The following LRMDA variants were observed in gnomAD, a reference collection of about 807,000 sequenced individuals.
LRMDA encodes leucine-rich melanocyte differentiation-associated protein.
In LRMDA, 18 loss-of-function variants were observed where a neutral mutation model predicts 29.8. The ratio of observed to expected loss-of-function variants is 0.60; its 90% CI spans 0.42 to 0.90. The LOEUF (loss-of-function observed/expected upper bound fraction) is 0.90, where lower values mean the gene tolerates loss of function less well. LRMDA is among the 40% of genes least tolerant of loss of function. LRMDA has a pLI of 0.00. For missense variants in LRMDA, 273 were observed against 273.9 expected (o/e 1.00, Z 0.02); for synonymous variants, 125 against 109.4 (o/e 1.14, Z -0.89).
At chr10:76,346,483 T>C (rs1397162821) in intron 6 of LRMDA, 1 of 152,178 alleles carries the variant, frequency 6.6e-6, no homozygotes, top group African/African-American at 2.4e-5. Context: ...ACTCTGTCAC[T>C]GTTGAGGAAT....
intron 6 of LRMDA, among the ~76,000 whole-genome samples, chr10:76,329,759 G>A (rs1589139209): frequency 6.6e-6 from 1 of 152,100 alleles, no homozygotes; most frequent in Non-Finnish European, 1.5e-5. Context: ...TTTATGCTTA[G>A]CAATTGATTT....
At chr10:76,121,013 A>T (rs909114730) in intron 5 of LRMDA, among the ~76,000 whole-genome samples, 1 of 151,834 alleles carries the variant, frequency 6.6e-6, no homozygotes, top group Non-Finnish European at 1.5e-5. Context: ...TTGTATTTTT[A>T]GTGGAGATGG....
intron 5 of LRMDA, among the ~76,000 whole-genome samples, chr10:76,214,007 T>C (rs1851681410): frequency 6.6e-6 from 1 of 152,182 alleles, no homozygotes; most frequent in African/African-American, 2.4e-5. Flanking sequence ...GGGCCTGGAT[T>C]CCAGCTGCCT....
chr10:75,659,674 C>G (rs951186109), intron 2 of LRMDA, among the ~76,000 whole-genome samples: 4 of 152,208 alleles, frequency 2.6e-5, no homozygotes, highest in Middle Eastern at 3.2e-3. Flanking sequence ...TCAAAGGATA[C>G]AAACTTTCAG....
chr10:75,959,403 C>A (rs1846722577), intron 2 of LRMDA, among the ~76,000 whole-genome samples: 1 of 152,164 alleles, frequency 6.6e-6, no homozygotes, highest in African/African-American at 2.4e-5. Context: ...ATGTATAAGT[C>A]AGAGCCATCA....
chr10:76,188,625 G>A (rs769018352), intron 5 of LRMDA, among the ~76,000 whole-genome samples: 1 of 110,296 alleles, frequency 9.1e-6, no homozygotes, highest in Non-Finnish European at 1.8e-5. Flanking sequence ...ATACAACTGA[G>A]AAGATGGAGG....
chr10:76,224,667 CTTTTTTTTTTT>C lies in LRMDA; in HGVS notation c.517-99721_517-99711del, dbSNP rs35143239. ...CAATAAAATAATAATGTCTAGGACT[CTTTTTTTTTTT>C]TTTTTTTTTTTTACCGGACAAAAAT... On this transcript the variant is annotated intron_variant, in intron 5 of 6. Transcript: ENST00000611255. Among the ~76,000 whole-genome samples, 399 of 105,358 alleles carry C rather than the reference CTTTTTTTTTTT, an allele frequency of 3.8e-3. 3 individuals are homozygous for C. The highest frequency in any genetic ancestry group is 0.013 in the African/African-American group (381 of 29,236). 69.1% of individuals were successfully genotyped at this position (105,358 alleles called of 152,430 possible).
chr10:76,423,121 G>C (rs537329699), intron 6 of LRMDA, among the ~76,000 whole-genome samples: 1 of 152,212 alleles, frequency 6.6e-6, no homozygotes, highest in South Asian at 2.1e-4. Context: ...GAGGCCAGGC[G>C]TAGTGGCACA....
rs567322339 is a variant in LRMDA at position 76,492,770 on chromosome 10, G to A, written c.602-64439G>A. Among the ~76,000 whole-genome samples the A allele has an allele frequency of 9.2e-5, 14 of 152,174 alleles. No individual in the cohort carries two copies. In the South Asian group the frequency reaches 1.5e-3, roughly 16 times the overall value. ...CACAGGGCAGAAGGAGAGAGAATGA[G>A]TGCTGACGAAGAAGGAAGCCCTTTA... is the stretch of plus-strand genomic sequence containing the variant. On this transcript the variant is annotated intron_variant, in intron 6 of 6. Coordinates refer to ENST00000611255, the MANE Select transcript of LRMDA (RefSeq NM_001305581.2).
chr10:76,376,759 A>G (rs1013387436), intron 6 of LRMDA, among the ~76,000 whole-genome samples: 1 of 149,872 alleles, frequency 6.7e-6, no homozygotes, highest in Non-Finnish European at 1.5e-5. Flanking sequence ...AATAATAGCC[A>G]TTCTGACTGG....
intron 2 of LRMDA, among the ~76,000 whole-genome samples, chr10:75,768,259 T>C (rs1172882306): frequency 1.3e-5 from 2 of 152,208 alleles, no homozygotes; most frequent in African/African-American, 2.4e-5. Context: ...TTCTCCTTCA[T>C]TGATGGACTT....
chr10:76,067,159 A>G (rs1408188279), intron 5 of LRMDA, among the ~76,000 whole-genome samples: 1 of 152,214 alleles, frequency 6.6e-6, no homozygotes, highest in Non-Finnish European at 1.5e-5. Flanking sequence ...AAGGGAGTTC[A>G]CAACATCTCG....
At chr10:76,404,226 A>G (rs1841879255) in intron 6 of LRMDA, among the ~76,000 whole-genome samples, 1 of 152,148 alleles carries the variant, frequency 6.6e-6, no homozygotes, top group African/African-American at 2.4e-5. Flanking sequence ...ACACTCCCCA[A>G]ATTACTAGTG....
chr10:76,200,451 C>A (rs1372367674), intron 5 of LRMDA, among the ~76,000 whole-genome samples: 2 of 152,190 alleles, frequency 1.3e-5, no homozygotes, highest in Non-Finnish European at 2.9e-5. Context: ...CATAAAAGTT[C>A]TCTGTCTTAA....
intron 2 of LRMDA, among the ~76,000 whole-genome samples, chr10:75,586,898 G>A (rs1406361218): frequency 6.6e-6 from 1 of 151,518 alleles, no homozygotes; most frequent in Non-Finnish European, 1.5e-5. Context: ...CATATGGTTT[G>A]CAAATATTTT....
Position 75,672,589 on chromosome 10 carries a change from CT to C in LRMDA, c.131+234111del, listed in dbSNP as rs561989568. ...CCCTTCCCTTCCCTTCCCTTCCCTG[CT>C]TTTTTTTTTTTTTTTAGACAGCGTC... is the stretch of plus-strand genomic sequence containing the variant. On this transcript the variant is annotated intron_variant, in intron 2 of 6. Transcript: ENST00000611255. 6.8e-3 allele frequency among the ~76,000 whole-genome samples: 279 copies of C among 40,970 alleles called. 76 individuals carry two copies. The highest frequency in any genetic ancestry group is 0.057 in the African/African-American group (237 of 4,124). The allele number at this position is 40,970 out of a possible 152,430, so 26.9% of individuals were successfully genotyped here. A position where few individuals can be genotyped will look rare whatever the true frequency, so the allele number is the denominator to read the frequency against.
intron 6 of LRMDA, among the ~76,000 whole-genome samples, chr10:76,451,890 C>T (rs893135193): frequency 7.9e-5 from 12 of 151,698 alleles, no homozygotes; most frequent in Non-Finnish European, 1.3e-4. Flanking sequence ...CTCCCGACCT[C>T]AGGTGATCTG....
chr10:75,502,011 A>G (rs2132070023), intron 2 of LRMDA, among the ~76,000 whole-genome samples: 1 of 152,256 alleles, frequency 6.6e-6, no homozygotes, highest in South Asian at 2.1e-4. Flanking sequence ...CAGGGAGGTC[A>G]GGAGGGGAAC....
At chr10:75,900,733 A>G (rs1240251183) in intron 2 of LRMDA, among the ~76,000 whole-genome samples, 1 of 152,036 alleles carries the variant, frequency 6.6e-6, no homozygotes, top group Non-Finnish European at 1.5e-5. Context: ...CTGAATCTTG[A>G]TTGGAATTTG....
Sources: gnomAD v4.1 joint callset for allele counts (sites outside exome capture counted in the v4.1 genomes callset) on GRCh38, gnomAD v4.1.1 for gene constraint, MANE v1.5 for transcripts, NCBI Gene and HGNC (gene_info 2026-07-23, HGNC 2026-07-21) for gene names.